Variants in EBF4 observed in about 807,000 individuals in gnomAD.
EBF4 encodes the protein transcription factor COE4.
In EBF4, 34 loss-of-function variants were observed where a neutral mutation model predicts 67.1. The ratio of observed to expected loss-of-function variants is 0.51; its 90% confidence interval spans 0.39 to 0.67. The LOEUF is 0.67. Among genes scored for constraint, EBF4 ranks in the 30% least tolerant of loss-of-function variants. EBF4 has a pLI of 0.00. For synonymous variants in EBF4, 387 were observed against 377.7 expected (o/e 1.02, Z -0.29); for missense variants, 837 against 873.3 (o/e 0.96, Z 0.52).
At chr20:2,737,250 CA>C (rs777580766) in intron 6 of EBF4, among the ~76,000 whole-genome samples, 65 of 114,840 alleles carry the variant, frequency 5.7e-4, no homozygotes, top group South Asian at 9.2e-4. Flanking sequence ...AACTCCGTCT[CA>C]AAAAAAAAAA....
chr20:2,749,557 A>G, intron 8 of EBF4, 39 bp downstream of exon 8: 1 of 1,539,788 alleles, frequency 6.5e-7, no homozygotes, highest in Non-Finnish European at 8.8e-7. Context: ...CCGCGGGCCC[A>G]GCCAGCCCCC....
chr20:2,748,665 C>T (rs989580808), intron 7 of EBF4, 35 bp downstream of exon 7: 2 of 1,541,494 alleles, frequency 1.3e-6, no homozygotes, highest in South Asian at 2.4e-5. Context: ...CTTGCAACCC[C>T]ACCCTTTCCT....
Position 2,693,824 on chromosome 20 carries a change from C to A in EBF4, c.137+42C>A, listed in dbSNP as rs1452950568. On this transcript the variant is annotated intron_variant, in intron 1 of 16. Transcript: ENST00000609451. This position sits in a 1 kb window ranked among gnomAD's most constrained non-coding sequence, Gnocchi z 4.6. ...GACCCGGTGCGCTCGGGTTGGACGG[C>A]TGCGCGCCGCCTCAGCTCAGCTTGC... 7.1e-6 allele frequency: 9 copies of A among 1,261,440 alleles called. No individual in the cohort carries two copies. Among genetic ancestry groups the A allele is most frequent in the Non-Finnish European group, 8.0e-6 (8 of 1,002,620 alleles). The allele number at this position is 1,261,440 out of a possible 1,614,324, so 78.1% of individuals were successfully genotyped here.
Position 2,696,251 on chromosome 20 carries a change from C to T in EBF4, c.137+2469C>T, listed in dbSNP as rs2087286998. Among the ~76,000 whole-genome samples, 1 of 152,170 alleles carries T rather than the reference C, an allele frequency of 6.6e-6. No homozygotes were observed. Among genetic ancestry groups the T allele is most frequent in the Non-Finnish European group, 1.5e-5 (1 of 68,032 alleles). On this transcript the variant is annotated intron_variant, in intron 1 of 16. Coordinates refer to ENST00000609451, the Ensembl canonical transcript of EBF4. This position sits in a 1 kb window ranked among gnomAD's most constrained non-coding sequence, Gnocchi z 4.7. ...CTTTGGGAGGCCAAGGTGGGCGTTT[C>T]ACTTGAGGCCAGGAGTTCGAGACCA...
chr20:2,708,149 T>A, intron 5 of EBF4, 129 bp downstream of exon 5: 1 of 958,278 alleles, frequency 1.0e-6, no homozygotes, highest in Non-Finnish European at 1.5e-6. Context: ...AGAAGCCTGG[T>A]GGCAGGTGAT....
chr20:2,751,812 C>T lies in EBF4; in HGVS notation c.1107+24C>T, dbSNP rs930216714. The T allele has an allele frequency of 6.1e-6, 3 of 492,812 alleles. No individual in the cohort carries two copies. The highest frequency in any genetic ancestry group is 4.0e-5 in the African/African-American group (2 of 49,454). The allele number at this position is 492,812 out of a possible 1,614,324, so 30.5% of individuals were successfully genotyped here. On this transcript the variant is annotated intron_variant, in intron 11 of 16. Transcript: ENST00000609451. This position sits in a 1 kb window ranked among gnomAD's most constrained non-coding sequence, Gnocchi z 5.2. ...AGGTACTCAGAGGGGCGGGGCGGGG[C>T]GGGGCTGAGGGTGTCCTGTGGGCAA...
chr20:2,719,931 T>C lies in EBF4; in HGVS notation c.557+10289T>C, dbSNP rs1277977633. ...GTTAATTGATAGTGTTGTTCAAGTG[T>C]TGTTTTAGCTGATTTTCTTCCTATT... On this transcript the variant is annotated intron_variant, in intron 6 of 16. Transcript: ENST00000609451. Among the ~76,000 whole-genome samples the C allele has an allele frequency of 2.0e-5, 3 of 152,204 alleles. No individual in the cohort carries two copies. In the East Asian group the frequency reaches 5.8e-4, roughly 29 times the overall value.
intron 6 of EBF4, among the ~76,000 whole-genome samples, chr20:2,716,373 A>G (rs1026354874): frequency 2.6e-5 from 4 of 151,822 alleles, no homozygotes; most frequent in Non-Finnish European, 4.4e-5. Flanking sequence ...CTAAAAATAC[A>G]AAAAAATCAG....
intron 6 of EBF4, among the ~76,000 whole-genome samples, chr20:2,713,623 G>A (rs1456776869): frequency 1.3e-5 from 2 of 152,208 alleles, no homozygotes; most frequent in African/African-American, 4.8e-5. Flanking sequence ...CATAAAACCA[G>A]AGTTAGAGGT....
chr20:2,752,193 C>T (rs2146506715), exon 13 of EBF4: 3 of 1,426,572 alleles, frequency 2.1e-6, no homozygotes, highest in East Asian at 3.1e-5. Flanking sequence ...ACCCCGCCGT[C>T]GTGGGCATCA....
chr20:2,729,998 T>A (rs925003321), intron 6 of EBF4, among the ~76,000 whole-genome samples: 1 of 152,172 alleles, frequency 6.6e-6, no homozygotes, highest in Non-Finnish European at 1.5e-5. Context: ...CTTTGGCAGC[T>A]CTTTGAGAGC....
chr20:2,721,246 C>CTTTTTTT (rs146844927), intron 6 of EBF4, among the ~76,000 whole-genome samples: 6 of 108,116 alleles, frequency 5.5e-5, no homozygotes, highest in African/African-American at 1.0e-4. Context: ...TGATTCTCTT[C>CTTTTTTT]TTTTTTTTTT....
intron 6 of EBF4, among the ~76,000 whole-genome samples, chr20:2,730,551 C>A (rs1403754812): frequency 6.6e-6 from 1 of 152,204 alleles, no homozygotes; most frequent in African/African-American, 2.4e-5. Flanking sequence ...CAACTCACTA[C>A]CCCCAGTAAA....
chr20:2,695,122 CTT>C (rs969836812), intron 1 of EBF4, among the ~76,000 whole-genome samples: 1 of 139,902 alleles, frequency 7.1e-6, no homozygotes, highest in Non-Finnish European at 1.6e-5. Context: ...TTGGTTCTGG[CTT>C]TTTTTTTTTT....
chr20:2,723,601 G>A (rs929507005), intron 6 of EBF4, among the ~76,000 whole-genome samples: 1 of 151,988 alleles, frequency 6.6e-6, no homozygotes, highest in Non-Finnish European at 1.5e-5. Context: ...CACCCGCCTC[G>A]GCCTCCCAAA....
chr20:2,752,094 C>T, exon 13 of EBF4: 1 of 1,459,404 alleles, frequency 6.9e-7, no homozygotes. Context: ...AGGAGCTGCT[C>T]CTGAAGCGCG....
intron 1 of EBF4, among the ~76,000 whole-genome samples, chr20:2,701,020 G>A (rs2087367164): frequency 6.6e-6 from 1 of 152,208 alleles, no homozygotes; most frequent in Admixed American, 6.5e-5. Context: ...AGCCCCATGT[G>A]CGCTGCAGGG....
At chr20:2,717,221 A>C (rs950520146) in intron 6 of EBF4, among the ~76,000 whole-genome samples, 3 of 152,170 alleles carry the variant, frequency 2.0e-5, no homozygotes, top group African/African-American at 7.2e-5. Flanking sequence ...TTGAGCATCT[A>C]CTATGTACCA....
chr20:2,699,966 C>G (rs118083920), intron 1 of EBF4, among the ~76,000 whole-genome samples: 2,282 of 152,320 alleles, frequency 0.015, 52 homozygotes, highest in East Asian at 0.068. Context: ...CTGCTGTTAG[C>G]TGCTTCCCTT....
Sources: gnomAD v4.1 joint callset for allele counts (sites outside exome capture counted in the v4.1 genomes callset) on GRCh38, gnomAD v4.1.1 for gene constraint, Gnocchi (gnomAD v3.1) non-coding constraint, MANE v1.5 for transcripts, NCBI Gene and HGNC (gene_info 2026-07-23, HGNC 2026-07-21) for gene names.